Variants in NTN4 observed in about 807,000 individuals in gnomAD.
The protein encoded by NTN4 is netrin-4.
A neutral mutation model predicts 73.6 loss-of-function variants in NTN4; 32 were observed. That is an observed-to-expected ratio of 0.44 (90% confidence interval 0.33 to 0.58). The LOEUF (loss-of-function observed/expected upper bound fraction) is 0.58, where lower values mean the gene tolerates loss of function less well. NTN4 is among the 20% of genes least tolerant of loss of function. The pLI, the probability that NTN4 is intolerant of heterozygous loss-of-function variation, is 0.04. For missense variants in NTN4, 654 were observed against 798.3 expected, an observed-to-expected ratio of 0.82 and a Z score of 2.18; for synonymous variants, 258 against 287.5, an observed-to-expected ratio of 0.90 and a Z score of 1.04.
At chr12:95,733,627 T>C (rs565963476) in intron 3 of NTN4, among the ~76,000 whole-genome samples, 7 of 152,308 alleles carry the variant, frequency 4.6e-5, no homozygotes, top group Non-Finnish European at 8.8e-5. Context: ...GATTTAGCTG[T>C]GTTTGGCTCC....
At chr12:95,753,368 C>G (rs1239325793) in intron 2 of NTN4, among the ~76,000 whole-genome samples, 1 of 147,848 alleles carries the variant, frequency 6.8e-6, no homozygotes, top group African/African-American at 2.5e-5. Context: ...TTTGTCCCCA[C>G]CCAGGACTGG....
intron 9 of NTN4, chr12:95,663,717 A>C (rs1259035081): frequency 6.6e-6 from 1 of 152,268 alleles, no homozygotes; most frequent in Non-Finnish European, 1.5e-5. Context: ...CAAAGCAAGT[A>C]AACATGTTTT....
intron 5 of NTN4, among the ~76,000 whole-genome samples, chr12:95,693,008 A>G (rs1236369090): frequency 6.6e-6 from 1 of 152,212 alleles, no homozygotes; most frequent in Non-Finnish European, 1.5e-5. Context: ...ATGCTAAAAA[A>G]AAAAAGGATA....
intron 5 of NTN4, among the ~76,000 whole-genome samples, chr12:95,702,583 A>C (rs2078493261): frequency 6.6e-6 from 1 of 152,182 alleles, no homozygotes. Flanking sequence ...AGTGACCAGA[A>C]AATAGTATGC....
chr12:95,790,240 C>T lies in NTN4; in HGVS notation c.55+15G>A. 1 of 1,530,214 alleles carries T rather than the reference C, an allele frequency of 6.5e-7. No homozygotes were observed. The highest frequency in any genetic ancestry group is 8.8e-7 in the Non-Finnish European group (1 of 1,138,200). The allele number at this position is 1,530,214 out of a possible 1,614,324, so 94.8% of individuals were successfully genotyped here. On this transcript the variant is annotated intron_variant, in intron 1 of 9. Transcript: ENST00000343702. The surrounding 1 kb of genome is among the most constrained non-coding windows in gnomAD (Gnocchi z 6.5). Reference sequence around the variant, plus strand: ...GCGAGGGAAGGGGTGGGGGCCCCGCCGCGTCACCACCCACCTGCGGCCACC... The same window carrying T: ...GCGAGGGAAGGGGTGGGGGCCCCGCTGCGTCACCACCCACCTGCGGCCACC...
At chr12:95,672,685 C>G (rs2078242533) in intron 7 of NTN4, 6 of 1,451,178 alleles carry the variant, frequency 4.1e-6, no homozygotes, top group Non-Finnish European at 5.8e-6. Context: ...CCTGCTGGAG[C>G]CTGACCATCC....
chr12:95,778,453 GAC>G (rs2079109763), intron 2 of NTN4, among the ~76,000 whole-genome samples: 1 of 151,904 alleles, frequency 6.6e-6, no homozygotes, highest in Non-Finnish European at 1.5e-5. Flanking sequence ...GAATCAAATA[GAC>G]ACAATAAAAA....
chr12:95,751,753 C>A (rs976957614), intron 2 of NTN4, among the ~76,000 whole-genome samples: 3 of 149,276 alleles, frequency 2.0e-5, no homozygotes, highest in Admixed American at 6.7e-5. Flanking sequence ...TTAATCTATA[C>A]GGAGGCTACC....
chr12:95,703,029 G>A (rs1039263537), intron 5 of NTN4, among the ~76,000 whole-genome samples: 1 of 151,850 alleles, frequency 6.6e-6, no homozygotes, highest in South Asian at 2.1e-4. Flanking sequence ...GGCTAATTTT[G>A]TATTTTTAGT....
rs368347371 is a variant in NTN4, at chr12:95,731,559, A to G, written c.864+6307T>C. On this transcript the variant is annotated intron_variant, in intron 3 of 9. Coordinates refer to ENST00000343702, the MANE Select transcript of NTN4 (RefSeq NM_021229.4). ...ACAGAGTGAGACTCTGTCTCAAAAA[A>G]TAATAATAAATAAATAAATCAGCTA... 2.0e-5 allele frequency among the ~76,000 whole-genome samples: 3 copies of G among 152,284 alleles called. 1 individual carries two copies. Among genetic ancestry groups the G allele is most frequent in the African/African-American group, 7.2e-5 (3 of 41,566 alleles).
intron 3 of NTN4, among the ~76,000 whole-genome samples, chr12:95,720,131 G>A (rs2078635699): frequency 6.6e-6 from 1 of 152,104 alleles, no homozygotes; most frequent in Admixed American, 6.6e-5. Flanking sequence ...GATGTTTTAG[G>A]TTCAAGACCT....
intron 2 of NTN4, among the ~76,000 whole-genome samples, chr12:95,784,031 AT>A (rs1419596865): frequency 1.1e-4 from 17 of 152,352 alleles, no homozygotes; most frequent in African/African-American, 4.1e-4. Flanking sequence ...AATTAATAGG[AT>A]AATACCTAGA....
rs1410681432 is a variant in NTN4, at chr12:95,658,738, C to CGTAA, written c.*344_*347dup. 1.2e-5 allele frequency: 2 copies of CGTAA among 164,246 alleles called. No individual in the cohort carries two copies. The highest frequency in any genetic ancestry group is 2.6e-5 in the Non-Finnish European group (2 of 76,304). 10.2% of individuals were successfully genotyped at this position (164,246 alleles called of 1,614,324 possible). A position where few individuals can be genotyped will look rare whatever the true frequency, so the allele number is the denominator to read the frequency against. ...ATTCATTACTTTAAGTAGCATCAAA[C>CGTAA]GTAAGTAACATCGCTGAAGCTGGAA... is the stretch of plus-strand genomic sequence containing the variant. On this transcript the variant is annotated 3_prime_UTR_variant, in exon 10 of 10. Transcript: ENST00000343702.
intron 2 of NTN4, among the ~76,000 whole-genome samples, chr12:95,766,410 C>T (rs1302631223): frequency 2.6e-5 from 4 of 152,222 alleles, no homozygotes; most frequent in African/African-American, 9.6e-5. Context: ...TACCTTTTCT[C>T]ACTGTAGATC....
chr12:95,755,095 T>C (rs1022254631), intron 2 of NTN4, among the ~76,000 whole-genome samples: 7 of 152,388 alleles, frequency 4.6e-5, no homozygotes, highest in Middle Eastern at 3.4e-3. Flanking sequence ...AAAACTTAAA[T>C]CTGTCATGCT....
intron 2 of NTN4, among the ~76,000 whole-genome samples, chr12:95,754,894 T>A (rs2078937946): frequency 6.6e-6 from 1 of 152,208 alleles, no homozygotes; most frequent in African/African-American, 2.4e-5. Flanking sequence ...CATGAAAGTA[T>A]TATAAAGCCA....
At position 95,665,879 on chromosome 12, in the gene NTN4, G is replaced by A. The variant is rs1403390954; in HGVS notation, c.1681C>T (p.Arg561Ter). The change falls in exon 9 of 10, where the codon CGA becomes TGA. Residue 561 changes from arginine to a stop codon, truncating the protein, a stop_gained. Coordinates refer to ENST00000343702, the MANE Select transcript of NTN4 (RefSeq NM_021229.4). LOFTEE classifies it high-confidence loss of function. ...TCTGGATATAATGTTCGCTTTCCTC[G>A]GAAAATCTTCAGTTTGGTAGATTTT... Reference protein sequence around the residue: ...VLKSTKLKIFRGKRTLYPESW... With the variant: ...VLKSTKLKIF 5.6e-6 allele frequency: 9 copies of A among 1,613,704 alleles called. No homozygotes were observed. Among genetic ancestry groups the A allele is most frequent in the Non-Finnish European group, 7.6e-6 (9 of 1,179,834 alleles).
At chr12:95,742,035 C>A (rs1430847601) in intron 2 of NTN4, among the ~76,000 whole-genome samples, 1 of 152,156 alleles carries the variant, frequency 6.6e-6, no homozygotes, top group Admixed American at 6.5e-5. Flanking sequence ...TTTCTCTAAG[C>A]CTCGAATCCC....
chr12:95,697,059 C>T (rs919854739), intron 5 of NTN4, among the ~76,000 whole-genome samples: 4 of 151,528 alleles, frequency 2.6e-5, no homozygotes, highest in African/African-American at 7.3e-5. Context: ...CATGTAGTCC[C>T]AACTACTCGA....
Sources: allele counts gnomAD v4.1 joint callset (sites outside exome capture counted in the v4.1 genomes callset), GRCh38; gene constraint gnomAD v4.1.1; non-coding constraint Gnocchi (gnomAD v3.1); transcripts MANE v1.5; gene names NCBI Gene and HGNC (gene_info 2026-07-23, HGNC 2026-07-21).